Variants in NXN observed in about 807,000 individuals in gnomAD.
The protein encoded by NXN is nucleoredoxin 1.
A neutral mutation model predicts 48.6 loss-of-function variants in NXN; 16 were observed. The observed-to-expected ratio is 0.33, with a 90% CI of 0.22 to 0.50. The LOEUF is 0.50. Ranked by LOEUF, NXN falls within the 20% of genes least tolerant of loss-of-function variation. The pLI is 0.98. For synonymous variants in NXN, 281 were observed against 269.6 expected (o/e 1.04, Z -0.41); for missense variants, 492 against 605.5 (o/e 0.81, Z 1.97).
chr17:959,124 TG>T, intron 1 of NXN: 1 of 414,180 alleles, frequency 2.4e-6, no homozygotes, highest in Non-Finnish European at 4.1e-6. Context: ...CAGGAGCTGC[TG>T]GGGCCCAGCA....
At chr17:926,179 A>T (rs974129564) in intron 1 of NXN, among the ~76,000 whole-genome samples, 1 of 151,824 alleles carries the variant, frequency 6.6e-6, no homozygotes, top group African/African-American at 2.4e-5. Flanking sequence ...CTCTGTCTCT[A>T]TTTTTCTCCT....
chr17:944,008 T>C (rs1182925357), intron 1 of NXN, among the ~76,000 whole-genome samples: 3 of 151,814 alleles, frequency 2.0e-5, no homozygotes, highest in Non-Finnish European at 2.9e-5. Flanking sequence ...GAGGCCAAGG[T>C]GGGTGGATCA....
intron 1 of NXN, among the ~76,000 whole-genome samples, chr17:963,196 G>T (rs2069258102): frequency 7.3e-6 from 1 of 137,560 alleles, no homozygotes; most frequent in African/African-American, 3.0e-5. Context: ...AAAAAAAAAA[G>T]GTATAGGTAC....
chr17:897,901 G>A lies in NXN; in HGVS notation c.361-71823C>T, dbSNP rs151079412. On this transcript the variant is annotated intron_variant, in intron 1 of 7. Transcript: ENST00000336868. The stretch of plus-strand genomic sequence containing the variant: ...TCACCGTGTTGGCCAGGCTGGTCTC[G>A]AACTCCTCACCTCAGGTGATCCGCC... 1.9e-3 allele frequency among the ~76,000 whole-genome samples: 294 copies of A among 152,244 alleles called. 6 individuals are homozygous for A. The East Asian group carries it at 0.039, about 20-fold the overall frequency.
chr17:897,367 T>G (rs2068497767), intron 1 of NXN, among the ~76,000 whole-genome samples: 1 of 152,178 alleles, frequency 6.6e-6, no homozygotes, highest in South Asian at 2.1e-4. Flanking sequence ...TACAGGACAA[T>G]CAATTAGCAA....
At chr17:959,613 A>G (rs1225134586) in intron 1 of NXN, among the ~76,000 whole-genome samples, 1 of 151,876 alleles carries the variant, frequency 6.6e-6, no homozygotes, top group African/African-American at 2.4e-5. Context: ...CCTGGCCAAC[A>G]TGGTGAACCC....
intron 1 of NXN, among the ~76,000 whole-genome samples, chr17:844,396 A>G (rs1001220569): frequency 3.5e-5 from 5 of 142,402 alleles, no homozygotes; most frequent in African/African-American, 1.3e-4. Context: ...CCAGGCCATC[A>G]CACGTCCCGT....
chr17:951,173 C>G (rs1187016266), intron 1 of NXN, among the ~76,000 whole-genome samples: 3 of 37,548 alleles, frequency 8.0e-5, no homozygotes. Context: ...CCTGTCTCTA[C>G]TTAAAAAAAA....
At position 847,325 on chromosome 17, in the gene NXN, G is replaced by C. The variant is rs137859997; in HGVS notation, c.361-21247C>G. 9.1e-3 allele frequency among the ~76,000 whole-genome samples: 1,378 copies of C among 152,032 alleles called. 17 individuals are homozygous for C. Among genetic ancestry groups the C allele is most frequent in the Non-Finnish European group, 9.8e-3 (668 of 67,988 alleles). On this transcript the variant is annotated intron_variant, in intron 1 of 7. Coordinates refer to ENST00000336868, the MANE Select transcript of NXN (RefSeq NM_022463.5). ...CCGTGTTGATCACTTTCCTGCTTCA[G>C]GAAGTCCCCACTGAGCCCTGGGCCA...
At chr17:925,080 G>T (rs2068786082) in intron 1 of NXN, among the ~76,000 whole-genome samples, 1 of 152,244 alleles carries the variant, frequency 6.6e-6, no homozygotes, top group South Asian at 2.1e-4. Flanking sequence ...TGCATCTCTT[G>T]TTCAAAGCTG....
intron 1 of NXN, among the ~76,000 whole-genome samples, chr17:927,408 G>A (rs1467881656): frequency 2.6e-5 from 4 of 151,768 alleles, no homozygotes; most frequent in East Asian, 3.9e-4. Flanking sequence ...CACAAGTTCC[G>A]GACCAGCCTC....
At position 958,122 on chromosome 17, in the gene NXN, A is replaced by C. The variant is rs2069192358; in HGVS notation, c.360+21197T>G. ...CCCCTTCCTTCCCACACGGCTATTT[A>C]TATCTGGAATATCTCTCTGTCTTAA... On this transcript the variant is annotated intron_variant, in intron 1 of 7. Transcript: ENST00000336868. The surrounding 1 kb of genome is among the most constrained non-coding windows in gnomAD (Gnocchi z 6.9). Among the ~76,000 whole-genome samples the C allele has an allele frequency of 6.6e-6, 1 of 151,922 alleles. No homozygotes were observed. The highest frequency in any genetic ancestry group is 1.5e-5 in the Non-Finnish European group (1 of 67,982).
chr17:835,658 T>C (rs1028495603), intron 1 of NXN, among the ~76,000 whole-genome samples: 7 of 151,850 alleles, frequency 4.6e-5, no homozygotes, highest in Non-Finnish European at 8.8e-5. Context: ...ACGGTAAAAA[T>C]GCCAACGAGA....
intron 1 of NXN, among the ~76,000 whole-genome samples, chr17:950,046 A>G (rs1567515663): frequency 6.6e-6 from 1 of 152,212 alleles, no homozygotes; most frequent in Non-Finnish European, 1.5e-5. Flanking sequence ...TTTTTTAAAA[A>G]GGAAAAAAAG....
Position 958,674 on chromosome 17 carries a change from G to A in NXN, c.360+20645C>T, listed in dbSNP as rs1350613929. Among the ~76,000 whole-genome samples the A allele has an allele frequency of 1.3e-5, 2 of 152,184 alleles. No individual in the cohort carries two copies. The highest frequency in any genetic ancestry group is 6.6e-5 in the Admixed American group (1 of 15,266). On this transcript the variant is annotated intron_variant, in intron 1 of 7. Transcript: ENST00000336868. The surrounding 1 kb of genome is among the most constrained non-coding windows in gnomAD (Gnocchi z 6.9). The stretch of plus-strand genomic sequence containing the variant: ...TAGTCCCAGCTACTCAGGAGGCTGA[G>A]GCAGGAGAATCACCGAGGCGGAGGT...
Position 896,886 on chromosome 17 carries a change from G to A in NXN, c.361-70808C>T, listed in dbSNP as rs553090016. 7.0e-5 allele frequency: 85 copies of A among 1,213,438 alleles called. No individual in the cohort carries two copies. The African/African-American group carries it at 9.2e-4, about 13-fold the overall frequency. The allele number at this position is 1,213,438 out of a possible 1,614,324, so 75.2% of individuals were successfully genotyped here. ...GCCCCCGGCCCCTCAACAAACTCAC[G>A]CTATTTCTCAGTTCCTGCATATCAC... is the stretch of plus-strand genomic sequence containing the variant. On this transcript the variant is annotated intron_variant, in intron 1 of 7. Coordinates refer to ENST00000336868, the MANE Select transcript of NXN (RefSeq NM_022463.5).
chr17:888,958 A>G (rs374429843), intron 1 of NXN, among the ~76,000 whole-genome samples: 6,947 of 105,632 alleles, frequency 0.066, 267 homozygotes, highest in Non-Finnish European at 0.082. Context: ...ACAAAACTCC[A>G]TCTCAAAAAA....
At chr17:974,875 GGA>G in intron 1 of NXN, among the ~76,000 whole-genome samples, 1 of 151,898 alleles carries the variant, frequency 6.6e-6, no homozygotes, top group East Asian at 1.9e-4. Flanking sequence ...TGTCCTGGCT[GGA>G]GTGTAGTGAC....
chr17:911,019 T>G (rs1416062647), intron 1 of NXN: 1 of 152,186 alleles, frequency 6.6e-6, no homozygotes, highest in African/African-American at 2.4e-5. Context: ...TTTTTTTTGC[T>G]GATTAACTCC....
Sources: allele counts gnomAD v4.1 joint callset (sites outside exome capture counted in the v4.1 genomes callset), GRCh38; gene constraint gnomAD v4.1.1; non-coding constraint Gnocchi (gnomAD v3.1); transcripts MANE v1.5; gene names NCBI Gene and HGNC (gene_info 2026-07-23, HGNC 2026-07-21).